Variants in BNC2 observed in about 807,000 individuals in gnomAD.
BNC2 encodes the protein basonuclin zinc finger protein 2.
BNC2 carries 20 observed loss-of-function variants against 76.3 expected under a neutral mutation model. That is an observed-to-expected ratio of 0.26 (90% CI 0.18 to 0.38). The LOEUF (loss-of-function observed/expected upper bound fraction) is 0.38. Among genes scored for constraint, BNC2 ranks in the 10% least tolerant of loss-of-function variants. BNC2 has a pLI of 1.00. For synonymous variants in BNC2, 582 were observed against 514.8 expected (o/e 1.13, Z -1.77); for missense variants, 1,382 against 1,399.8 (o/e 0.99, Z 0.20).
chr9:16,807,355 CATTTT>C (rs1187618040), intron 1 of BNC2, among the ~76,000 whole-genome samples: 1 of 152,300 alleles, frequency 6.6e-6, no homozygotes, highest in East Asian at 1.9e-4. Flanking sequence ...CAGAAACTAT[CATTTT>C]ATTAACCCAA....
intron 3 of BNC2, among the ~76,000 whole-genome samples, chr9:16,633,651 T>A (rs1353191194): frequency 6.6e-6 from 1 of 152,222 alleles, no homozygotes; most frequent in Admixed American, 6.5e-5. Flanking sequence ...TCCATCTTCA[T>A]CGTGTTTATC....
At chr9:16,820,097 C>A (rs1417542410) in intron 1 of BNC2, among the ~76,000 whole-genome samples, 1 of 138,254 alleles carries the variant, frequency 7.2e-6, no homozygotes, top group Non-Finnish European at 1.5e-5. Context: ...TGCACTCTAG[C>A]CTGGGCAACA....
chr9:16,687,485 T>G (rs1823013507), intron 3 of BNC2, among the ~76,000 whole-genome samples: 1 of 152,118 alleles, frequency 6.6e-6, no homozygotes, highest in Non-Finnish European at 1.5e-5. Context: ...ATTCTACCCC[T>G]CAGCTGACAT....
At chr9:16,601,425 C>T (rs1042101383) in intron 3 of BNC2, among the ~76,000 whole-genome samples, 2 of 152,170 alleles carry the variant, frequency 1.3e-5, no homozygotes, top group African/African-American at 2.4e-5. Context: ...CAAGAAGATG[C>T]TCTGTTTAAA....
intron 5 of BNC2, among the ~76,000 whole-genome samples, chr9:16,515,566 T>C (rs183202298): frequency 5.3e-5 from 8 of 152,188 alleles, no homozygotes; most frequent in Admixed American, 5.2e-4. Flanking sequence ...TGACGCTTAG[T>C]GAGGACTCGG....
chr9:16,869,391 C>G (rs966498816), intron 1 of BNC2, among the ~76,000 whole-genome samples: 6 of 149,240 alleles, frequency 4.0e-5, no homozygotes, highest in African/African-American at 1.3e-4. Context: ...GTTACTGTAA[C>G]CACAGTCCTG....
intron 4 of BNC2, among the ~76,000 whole-genome samples, chr9:16,559,745 T>G (rs2132656195): frequency 6.6e-6 from 1 of 152,320 alleles, no homozygotes; most frequent in South Asian, 2.1e-4. Flanking sequence ...CAGCTGACCT[T>G]ATTGATCACC....
At chr9:16,868,848 G>C (rs981859487) in intron 1 of BNC2, among the ~76,000 whole-genome samples, 1 of 152,092 alleles carries the variant, frequency 6.6e-6, no homozygotes, top group Non-Finnish European at 1.5e-5. Flanking sequence ...ACTTGTACAA[G>C]GTCTCACTAC....
At chr9:16,743,345 G>C (rs1167370646) in intron 1 of BNC2, among the ~76,000 whole-genome samples, 1 of 151,910 alleles carries the variant, frequency 6.6e-6, no homozygotes, top group Non-Finnish European at 1.5e-5. Context: ...AAGCTCCTAA[G>C]CCTACAGACA....
intron 3 of BNC2, among the ~76,000 whole-genome samples, chr9:16,687,149 C>T (rs1428672074): frequency 4.0e-5 from 6 of 151,752 alleles, no homozygotes; most frequent in Non-Finnish European, 8.8e-5. Context: ...AACCTGGATT[C>T]AAACTTAAGA....
At chr9:16,497,416 G>A (rs1050947961) in intron 5 of BNC2, among the ~76,000 whole-genome samples, 1 of 152,164 alleles carries the variant, frequency 6.6e-6, no homozygotes, top group East Asian at 1.9e-4. Flanking sequence ...CAGAGACCAT[G>A]CCCTTTGACA....
intron 1 of BNC2, among the ~76,000 whole-genome samples, chr9:16,796,701 A>T (rs1167838354): frequency 1.3e-5 from 2 of 152,208 alleles, no homozygotes; most frequent in Non-Finnish European, 2.9e-5. Context: ...AGAAATCCTT[A>T]TTCCATAGAA....
intron 5 of BNC2, among the ~76,000 whole-genome samples, chr9:16,551,250 T>C (rs1462884204): frequency 6.6e-6 from 1 of 152,252 alleles, no homozygotes; most frequent in African/African-American, 2.4e-5. Context: ...GACGTCATTC[T>C]ATTCTGAGAG....
chr9:16,618,558 T>G (rs35889406), intron 3 of BNC2, among the ~76,000 whole-genome samples: 28 of 151,974 alleles, frequency 1.8e-4, no homozygotes, highest in African/African-American at 6.0e-4. Flanking sequence ...AAAAGAGGAG[T>G]AGGACTTCAC....
At chr9:16,604,529 G>A (rs565918850) in intron 3 of BNC2, among the ~76,000 whole-genome samples, 2 of 152,264 alleles carry the variant, frequency 1.3e-5, no homozygotes, top group African/African-American at 2.4e-5. Flanking sequence ...GGGCACGGTG[G>A]CTCATGCCTG....
intron 3 of BNC2, among the ~76,000 whole-genome samples, chr9:16,649,666 G>C (rs1390423463): frequency 6.6e-6 from 1 of 152,134 alleles, no homozygotes; most frequent in Non-Finnish European, 1.5e-5. Flanking sequence ...CTTATTTTAT[G>C]TTCAAGTGGC....
chr9:16,732,570 T>C (rs1824548668), intron 2 of BNC2, among the ~76,000 whole-genome samples: 1 of 152,226 alleles, frequency 6.6e-6, no homozygotes, highest in Non-Finnish European at 1.5e-5. Context: ...CTTCTGCTGG[T>C]TCACAGAACA....
At chr9:16,525,996 T>C (rs116009794) in intron 5 of BNC2, among the ~76,000 whole-genome samples, 4,491 of 152,250 alleles carry the variant, frequency 0.029, 242 homozygotes, top group African/African-American at 0.1. Context: ...AAATACTTTT[T>C]GTTTCTTATT....
At chr9:16,863,449 C>G (rs1041764750) in intron 1 of BNC2, among the ~76,000 whole-genome samples, 1 of 151,914 alleles carries the variant, frequency 6.6e-6, no homozygotes, top group Non-Finnish European at 1.5e-5. Flanking sequence ...AATCCCAGCA[C>G]TTTGGGAGGC....
Sources: allele counts gnomAD v4.1 joint callset (sites outside exome capture counted in the v4.1 genomes callset), GRCh38; gene constraint gnomAD v4.1.1; transcripts MANE v1.5; gene names NCBI Gene and HGNC (gene_info 2026-07-23, HGNC 2026-07-21).